Variants in CAST observed in about 807,000 individuals in gnomAD.
The protein encoded by CAST is MIR583 host.
In CAST, 76 loss-of-function variants were observed where a neutral mutation model predicts 119.6. That is an observed-to-expected ratio of 0.64 (90% CI 0.53 to 0.77). The LOEUF is 0.77. Ranked by LOEUF, CAST falls within the 30% of genes least tolerant of loss-of-function variation. The probability of loss-of-function intolerance (pLI) is 0.00; values close to 1 mark genes in which losing one functional copy is unlikely to be tolerated. For missense variants in CAST, 953 were observed against 946.5 expected (o/e 1.01, Z -0.09); for synonymous variants, 319 against 331.6 (o/e 0.96, Z 0.41).
the CAST span, among the ~76,000 whole-genome samples, chr5:95,982,011 C>T: frequency 3.9e-5 from 6 of 152,032 alleles, no homozygotes; most frequent in Admixed American, 2.0e-4. Flanking sequence ...TCCCTGTGCT[C>T]ACCACCAATG....
chr5:96,060,154 G>A, the CAST span, among the ~76,000 whole-genome samples: 2 of 152,120 alleles, frequency 1.3e-5, no homozygotes, highest in African/African-American at 2.4e-5. Context: ...ACAGGAAAGA[G>A]GATCAGAAAG....
chr5:96,398,752 A>G, the CAST span: 1 of 806,850 alleles, frequency 1.2e-6, no homozygotes. Flanking sequence ...AAAAATAAGC[A>G]TGTTTTTTAA....
the CAST span, chr5:96,421,993 TAAAA>T: frequency 0.031 from 10,935 of 349,540 alleles, no homozygotes; most frequent in East Asian, 0.052. Context: ...GTGGCAGCAT[TAAAA>T]AAAAAAAAAA....
chr5:96,685,466 C>T (rs1370412504), intron 2 of CAST, among the ~76,000 whole-genome samples: 2 of 152,114 alleles, frequency 1.3e-5, no homozygotes, highest in African/African-American at 2.4e-5. Context: ...TGATTCTTAT[C>T]GTAATGTCAA....
the CAST span, among the ~76,000 whole-genome samples, chr5:96,010,657 G>A: frequency 6.6e-6 from 1 of 152,310 alleles, no homozygotes; most frequent in African/African-American, 2.4e-5. Context: ...TTGGTAGTTT[G>A]ACAGGAATAG....
At chr5:96,413,800 C>CAA in the CAST span, among the ~76,000 whole-genome samples, 1 of 105,700 alleles carries the variant, frequency 9.5e-6, no homozygotes, top group East Asian at 2.8e-4. Context: ...GACTCTGTCT[C>CAA]AAAAAAAAAA....
intron 1 of CAST, among the ~76,000 whole-genome samples, chr5:96,593,447 C>T (rs1392946300): frequency 6.6e-6 from 1 of 152,152 alleles, no homozygotes; most frequent in Non-Finnish European, 1.5e-5. Flanking sequence ...AAGGGCCCCA[C>T]ACTTTATTTA....
chr5:96,446,144 C>T, the CAST span, among the ~76,000 whole-genome samples: 1 of 149,236 alleles, frequency 6.7e-6, no homozygotes, highest in Admixed American at 6.7e-5. Flanking sequence ...CAGGCATCAG[C>T]CACCATGCAC....
chr5:96,031,950 G>C, the CAST span, among the ~76,000 whole-genome samples: 3 of 152,086 alleles, frequency 2.0e-5, no homozygotes, highest in African/African-American at 7.2e-5. Context: ...GGTTTGACTG[G>C]GGCTGAGGGA....
chr5:96,469,145 T>A, the CAST span, among the ~76,000 whole-genome samples: 1 of 151,978 alleles, frequency 6.6e-6, no homozygotes, highest in African/African-American at 2.4e-5. Context: ...GAGTATTGAG[T>A]ATTGTGTCTA....
chr5:96,247,140 G>A, the CAST span, among the ~76,000 whole-genome samples: 1 of 152,224 alleles, frequency 6.6e-6, no homozygotes, highest in Non-Finnish European at 1.5e-5. Context: ...TTAAGGGCCA[G>A]CTGTCCCGTA....
At chr5:96,006,064 A>G in the CAST span, among the ~76,000 whole-genome samples, 1 of 152,330 alleles carries the variant, frequency 6.6e-6, no homozygotes, top group Non-Finnish European at 1.5e-5. Flanking sequence ...TTTTAAAATG[A>G]TGAGTGAATA....
At chr5:96,410,969 C>A in the CAST span, 5 of 1,613,086 alleles carry the variant, frequency 3.1e-6, no homozygotes, top group Non-Finnish European at 3.4e-6. Context: ...CGAAGATGGA[C>A]CCCTTCCCCT....
chr5:96,385,361 G>A, the CAST span, among the ~76,000 whole-genome samples: 1 of 152,170 alleles, frequency 6.6e-6, no homozygotes, highest in African/African-American at 2.4e-5. Context: ...GCTTATTAAG[G>A]CATCAGTTTG....
chr5:96,181,537 G>A, the CAST span, among the ~76,000 whole-genome samples: 11 of 152,166 alleles, frequency 7.2e-5, no homozygotes, highest in Admixed American at 3.3e-4. Context: ...TCTCCATTGC[G>A]TAGCTGTGAC....
At chr5:96,301,565 A>G in the CAST span, among the ~76,000 whole-genome samples, 18 of 152,330 alleles carry the variant, frequency 1.2e-4, no homozygotes, top group East Asian at 2.3e-3. Flanking sequence ...AGTTATTTCC[A>G]AGATACAATG....
chr5:96,599,975 A>AAAAAAAAAAAAAAAAAAG (rs762798506), intron 1 of CAST, among the ~76,000 whole-genome samples: 1 of 140,508 alleles, frequency 7.1e-6, no homozygotes, highest in African/African-American at 2.8e-5. Context: ...GCAAAAAAAA[A>AAAAAAAAAAAAAAAAAAG]AAAAAAAACC....
chr5:96,717,870 T>G (rs772844923), intron 3 of CAST, among the ~76,000 whole-genome samples: 1 of 152,180 alleles, frequency 6.6e-6, no homozygotes, highest in African/African-American at 2.4e-5. Flanking sequence ...GGAAACATGG[T>G]AGACATTTAT....
chr5:96,750,198 G>A lies in CAST; in HGVS notation c.1429-389G>A, dbSNP rs75220279. Among the ~76,000 whole-genome samples, 583 of 152,154 alleles carry A rather than the reference G, an allele frequency of 3.8e-3. 6 individuals carry two copies. The highest frequency in any genetic ancestry group is 0.013 in the African/African-American group (556 of 41,530). ...TATACATAATGACAAATAAATAATAGAAATAATAGCAATAATTGCTCAAAT... is the reference window on the plus strand; with the variant it reads ...TATACATAATGACAAATAAATAATAAAAATAATAGCAATAATTGCTCAAAT... On this transcript the variant is annotated intron_variant, in intron 19 of 31. Coordinates refer to ENST00000675179, the MANE Select transcript of CAST (RefSeq NM_001750.7).
Sources: gnomAD v4.1 joint callset for allele counts (sites outside exome capture counted in the v4.1 genomes callset) on GRCh38, gnomAD v4.1.1 for gene constraint, MANE v1.5 for transcripts, NCBI Gene and HGNC (gene_info 2026-07-23, HGNC 2026-07-21) for gene names.